CDH10: variants seen among roughly 807,000 people sequenced by gnomAD.
The protein encoded by CDH10 is cadherin 10.
Under a neutral mutation model 73.1 loss-of-function variants are expected in CDH10, and 30 were observed. The observed-to-expected ratio is 0.41, with a 90% confidence interval of 0.31 to 0.56. The LOEUF is 0.56. Among genes scored for constraint, CDH10 ranks in the 20% least tolerant of loss-of-function variants. The pLI is 0.27. For synonymous variants in CDH10, 345 were observed against 348.2 expected (o/e 0.99, Z 0.10); for missense variants, 815 against 973.7 (o/e 0.84, Z 2.17).
intron 5 of CDH10, among the ~76,000 whole-genome samples, chr5:24,530,016 C>CTTTTTTTTTTTTT (rs34282847): frequency 2.5e-5 from 3 of 121,834 alleles, no homozygotes; most frequent in Non-Finnish European, 4.9e-5. Flanking sequence ...TCTATTTTTA[C>CTTTTTTTTTTTTT]TTTTTTTTTT....
chr5:24,625,062 A>G lies in CDH10; in HGVS notation c.-124+19532T>C, dbSNP rs141020195. On this transcript the variant is annotated intron_variant, in intron 1 of 11. Transcript: ENST00000264463. ...GGTCTTAGGGCACCCTTTGAAGTTTAAAAGAGATAAATATAGGAAAATAAT... is the reference window on the plus strand; with the variant it reads ...GGTCTTAGGGCACCCTTTGAAGTTTGAAAGAGATAAATATAGGAAAATAAT... Among the ~76,000 whole-genome samples the G allele has an allele frequency of 1.5e-3, 233 of 152,248 alleles. 1 individual carries two copies. Among genetic ancestry groups the G allele is most frequent in the African/African-American group, 5.4e-3 (225 of 41,566 alleles).
chr5:24,551,814 T>G (rs189303119), intron 2 of CDH10, among the ~76,000 whole-genome samples: 162 of 152,310 alleles, frequency 1.1e-3, no homozygotes, highest in Non-Finnish European at 2.0e-3. Context: ...GCACCAGTAT[T>G]ACACTAACAA....
chr5:24,505,383 T>C (rs567310947), intron 7 of CDH10, 135 bp from the exon 8 acceptor site: 483 of 710,736 alleles, frequency 6.8e-4, no homozygotes, highest in Admixed American at 2.0e-3. Context: ...ATGTAGATTG[T>C]TTGAATGACT....
intron 1 of CDH10, among the ~76,000 whole-genome samples, chr5:24,630,550 TA>T (rs11385411): frequency 0.016 from 2,096 of 132,918 alleles, 20 homozygotes; most frequent in African/African-American, 0.04. Context: ...GAGATCATCT[TA>T]AAAAAAAAAA....
chr5:24,614,190 T>C (rs960313507), intron 1 of CDH10, among the ~76,000 whole-genome samples: 2 of 152,122 alleles, frequency 1.3e-5, no homozygotes, highest in Non-Finnish European at 2.9e-5. Flanking sequence ...TACTCTCTAT[T>C]GATAGGAAAA....
intron 11 of CDH10, among the ~76,000 whole-genome samples, chr5:24,489,818 C>T (rs991732695): frequency 3.3e-5 from 5 of 151,960 alleles, no homozygotes; most frequent in Non-Finnish European, 5.9e-5. Context: ...TATTTTAATA[C>T]GATTTTAGTG....
intron 2 of CDH10, among the ~76,000 whole-genome samples, chr5:24,569,930 A>G (rs1291199509): frequency 6.6e-6 from 1 of 151,896 alleles, no homozygotes; most frequent in East Asian, 1.9e-4. Flanking sequence ...CGCCCGGCTA[A>G]TTTTTTTGTA....
At chr5:24,564,041 T>C (rs1745072452) in intron 2 of CDH10, among the ~76,000 whole-genome samples, 2 of 152,294 alleles carry the variant, frequency 1.3e-5, no homozygotes, top group South Asian at 4.1e-4. Flanking sequence ...ATCTTGTACA[T>C]ACAGTGGACC....
chr5:24,522,562 C>T (rs915935997), intron 5 of CDH10, among the ~76,000 whole-genome samples: 19 of 152,160 alleles, frequency 1.2e-4, no homozygotes, highest in Non-Finnish European at 1.5e-4. Flanking sequence ...GAAGATTAGC[C>T]AGCCTGTGCT....
chr5:24,570,113 C>T (rs954732440), intron 2 of CDH10, among the ~76,000 whole-genome samples: 1 of 151,968 alleles, frequency 6.6e-6, no homozygotes, highest in Non-Finnish European at 1.5e-5. Flanking sequence ...GAAATTGGTC[C>T]AATTTTCTGT....
rs1052555745 is a variant in CDH10 at position 24,528,811 on chromosome 5, A to G, written c.814+6301T>C. On this transcript the variant is annotated intron_variant, in intron 5 of 11. Transcript: ENST00000264463. ...GGAAGATTAAATTTTTGATGTGCCA[A>G]TATCTTTCTAGGTGTAGTGCTTTGA... Among the ~76,000 whole-genome samples, 4 of 152,120 alleles carry G rather than the reference A, an allele frequency of 2.6e-5. No individual in the cohort carries two copies. In the South Asian group the frequency reaches 8.3e-4, roughly 31 times the overall value.
intron 2 of CDH10, among the ~76,000 whole-genome samples, chr5:24,565,902 C>T (rs1745149462): frequency 6.6e-6 from 1 of 152,046 alleles, no homozygotes; most frequent in Admixed American, 6.6e-5. Flanking sequence ...AACTATTAGC[C>T]TCCAGAACAA....
intron 1 of CDH10, among the ~76,000 whole-genome samples, chr5:24,629,583 A>T (rs1747634854): frequency 6.6e-6 from 1 of 152,134 alleles, no homozygotes; most frequent in Non-Finnish European, 1.5e-5. Context: ...TGTAATCCCC[A>T]GGTGTTGAGG....
intron 1 of CDH10, among the ~76,000 whole-genome samples, chr5:24,634,037 C>T (rs1430387798): frequency 6.6e-6 from 1 of 151,822 alleles, no homozygotes; most frequent in Non-Finnish European, 1.5e-5. Flanking sequence ...AACGTAAATT[C>T]ATCTCAACCC....
chr5:24,598,965 G>A (rs950041954), intron 1 of CDH10, among the ~76,000 whole-genome samples: 1 of 152,084 alleles, frequency 6.6e-6, no homozygotes, highest in African/African-American at 2.4e-5. Flanking sequence ...AAAGAGGATT[G>A]TTGAATGAGG....
intron 2 of CDH10, among the ~76,000 whole-genome samples, chr5:24,571,970 A>T (rs1745399299): frequency 6.7e-6 from 1 of 150,030 alleles, no homozygotes; most frequent in African/African-American, 2.5e-5. Context: ...ACACTGCTAC[A>T]AATAAAAAAA....
At chr5:24,578,714 G>A (rs1247248415) in intron 2 of CDH10, among the ~76,000 whole-genome samples, 1 of 152,048 alleles carries the variant, frequency 6.6e-6, no homozygotes, top group African/African-American at 2.4e-5. Context: ...CAACAAAACT[G>A]TGGCATTATA....
intron 2 of CDH10, among the ~76,000 whole-genome samples, chr5:24,568,859 C>A (rs1284689621): frequency 6.6e-6 from 1 of 151,994 alleles, no homozygotes; most frequent in Non-Finnish European, 1.5e-5. Context: ...CACTTGTAAT[C>A]CCAGCACTTT....
chr5:24,628,821 C>T (rs962619873), intron 1 of CDH10, among the ~76,000 whole-genome samples: 16 of 140,446 alleles, frequency 1.1e-4, no homozygotes, highest in African/African-American at 4.1e-4. Flanking sequence ...CACTTGCCGC[C>T]CCCCCCACCC....
Sources: gnomAD v4.1 joint callset for allele counts (sites outside exome capture counted in the v4.1 genomes callset) on GRCh38, gnomAD v4.1.1 for gene constraint, MANE v1.5 for transcripts, NCBI Gene and HGNC (gene_info 2026-07-23, HGNC 2026-07-21) for gene names.